The following USP9X variants were observed in gnomAD, a reference collection of about 807,000 sequenced individuals.
USP9X encodes ubiquitin carboxyl-terminal hydrolase 9X.
A neutral mutation model predicts 190.3 loss-of-function variants in USP9X; 7 were observed. The ratio of observed to expected loss-of-function variants is 0.04; its 90% CI spans 0.02 to 0.07. The LOEUF (loss-of-function observed/expected upper bound fraction) is 0.07, where lower values mean the gene tolerates loss of function less well. Among genes scored for constraint, USP9X ranks in the 10% least tolerant of loss-of-function variants. The pLI, the probability that USP9X is intolerant of heterozygous loss-of-function variation, is 1.00. For synonymous variants in USP9X, 645 were observed against 659.5 expected (o/e 0.98, Z 0.34); for missense variants, 1,010 against 1,916.9 (o/e 0.53, Z 8.83).
At chrX:41,108,684 C>G (rs930512050) in intron 1 of USP9X, among the ~76,000 whole-genome samples, 1 of 111,554 alleles carries the variant, frequency 9.0e-6, no homozygotes, top group African/African-American at 3.3e-5. Flanking sequence ...CCTGCCTTTC[C>G]CCCTGGGCAA....
intron 26 of USP9X, chrX:41,189,784 G>A (rs2062914360): frequency 1.3e-5 from 2 of 156,088 alleles, no homozygotes; most frequent in Non-Finnish European, 1.2e-5. Context: ...TAGGACATTA[G>A]CCTCCTATCT....
Position 41,167,581 on chromosome X carries a change from A to G in USP9X, c.2424+4A>G. ...TCCAAGACTACAAGTCAATCAGGTGAGGATTGATGTGCATTAAAACTTCCA... is the reference window on the plus strand; with the variant it reads ...TCCAAGACTACAAGTCAATCAGGTGGGGATTGATGTGCATTAAAACTTCCA... On this transcript the variant is annotated splice_donor_region_variant and intron_variant, in intron 17 of 44. Transcript: ENST00000378308. The G allele has an allele frequency of 8.6e-7, 1 of 1,162,304 alleles. No homozygotes were observed. The highest frequency in any genetic ancestry group is 3.0e-5 in the East Asian group (1 of 33,280).
At chrX:41,148,301 A>T in intron 11 of USP9X, 68 bp from the exon 12 acceptor site, 18 of 1,100,134 alleles carry the variant, frequency 1.6e-5, no homozygotes, top group Non-Finnish European at 2.1e-5. Flanking sequence ...AATATAGTTA[A>T]CCTGGTGACA....
rs1158519140 is a variant in USP9X, at chrX:41,161,329, C to CTTTT, written c.1898-1437_1898-1434dup. Among the ~76,000 whole-genome samples the CTTTT allele has an allele frequency of 9.6e-3, 312 of 32,466 alleles. 75 individuals carry two copies. The highest frequency in any genetic ancestry group is 0.024 in the East Asian group (17 of 717). The allele number at this position is 32,466 out of a possible 115,157, so 28.2% of individuals were successfully genotyped here. On this transcript the variant is annotated intron_variant, in intron 14 of 44. Coordinates refer to ENST00000378308, the MANE Select transcript of USP9X (RefSeq NM_001039591.3). ...GTAAAGAGTATAAGAGAATTCTTGC[C>CTTTT]TTTTTTTTTTTTTTTTTTTTTTTTT...
intron 41 of USP9X, among the ~76,000 whole-genome samples, chrX:41,227,207 A>G (rs917698244): frequency 8.9e-6 from 1 of 112,251 alleles, no homozygotes; most frequent in Non-Finnish European, 1.9e-5. Context: ...AGTGTCTACC[A>G]TGTGCCCAGC....
In USP9X at chrX:41,217,348, A is replaced by G. The variant is rs774983193; in HGVS notation, c.6209+5A>G. The G allele has an allele frequency of 9.2e-6, 11 of 1,193,868 alleles. No homozygotes were observed. In the African/African-American group the frequency reaches 1.1e-4, roughly 12 times the overall value. On this transcript the variant is annotated splice_donor_5th_base_variant and intron_variant, in intron 36 of 44. Transcript: ENST00000378308. ...CCGTGGCTCTGCCAGTGATTGGTACATTGCTTTGGATTTTCATTCCTATTA... is the reference window on the plus strand; with the variant it reads ...CCGTGGCTCTGCCAGTGATTGGTACGTTGCTTTGGATTTTCATTCCTATTA...
At chrX:41,144,158 A>AT (rs747324186) in intron 10 of USP9X, among the ~76,000 whole-genome samples, 5 of 111,071 alleles carry the variant, frequency 4.5e-5, no homozygotes, top group Non-Finnish European at 7.5e-5. Flanking sequence ...TGTATTTATT[A>AT]TATCATGAAA....
intron 39 of USP9X, among the ~76,000 whole-genome samples, chrX:41,223,908 A>C (rs2063288375): frequency 8.9e-6 from 1 of 111,954 alleles, no homozygotes; most frequent in South Asian, 3.7e-4. Flanking sequence ...ATAGTTTAAG[A>C]ATTAACTTTT....
chrX:41,115,228 A>T (rs2062139050), intron 1 of USP9X, among the ~76,000 whole-genome samples: 1 of 74,257 alleles, frequency 1.3e-5, no homozygotes, highest in African/African-American at 4.4e-5. Context: ...CTCCAAAAAA[A>T]AAAAAAAGAA....
In USP9X at chrX:41,158,015, G is replaced by A. The variant is rs746874637; in HGVS notation, c.1898-4775G>A. Among the ~76,000 whole-genome samples, 9 of 111,527 alleles carry A rather than the reference G, an allele frequency of 8.1e-5. No homozygotes were observed. In the East Asian group the frequency reaches 2.2e-3, roughly 28 times the overall value. ...CCAAAATGAAATATTCATAAGAGGG[G>A]CTAAACAATAGATTTGAGCTGGCAG... On this transcript the variant is annotated intron_variant, in intron 14 of 44. Coordinates refer to ENST00000378308, the MANE Select transcript of USP9X (RefSeq NM_001039591.3).
chrX:41,112,006 C>T (rs778398434), intron 1 of USP9X, among the ~76,000 whole-genome samples: 12 of 110,561 alleles, frequency 1.1e-4, no homozygotes, highest in East Asian at 5.7e-4. Context: ...CCACCATGCC[C>T]GGCTAATTTT....
chrX:41,132,295 A>ATTTTTTT (rs11356870), intron 4 of USP9X, among the ~76,000 whole-genome samples: 7 of 54,591 alleles, frequency 1.3e-4, no homozygotes, highest in Non-Finnish European at 1.9e-4. Flanking sequence ...ATGCCCACTA[A>ATTTTTTT]TTTTTTTTTT....
chrX:41,113,210 G>A (rs1180951294), intron 1 of USP9X, among the ~76,000 whole-genome samples: 2 of 111,797 alleles, frequency 1.8e-5, no homozygotes, highest in African/African-American at 3.3e-5. Flanking sequence ...TTTTGTTGTT[G>A]TTTTTATTTG....
At chrX:41,098,737 G>T (rs2062011503) in intron 1 of USP9X, among the ~76,000 whole-genome samples, 1 of 109,149 alleles carries the variant, frequency 9.2e-6, no homozygotes. Flanking sequence ...TGTGTTTTTA[G>T]TAGAGATGGG....
chrX:41,187,848 T>A lies in USP9X; in HGVS notation c.3685-144T>A, dbSNP rs946724140. On this transcript the variant is annotated intron_variant, in intron 24 of 44. Transcript: ENST00000378308. ...CCCCACCTTTTTTTTTTTTTTTTTT[T>A]AAGACAAAGGCAACTTGGGAATTTA... 49 of 519,049 alleles carry A rather than the reference T, an allele frequency of 9.4e-5. 1 individual carries two copies. The highest frequency in any genetic ancestry group is 1.1e-4 in the Non-Finnish European group (40 of 357,452). 42.8% of individuals were successfully genotyped at this position (519,049 alleles called of 1,213,427 possible). A position where few individuals can be genotyped will look rare whatever the true frequency, so the allele number is the denominator to read the frequency against.
intron 20 of USP9X, among the ~76,000 whole-genome samples, chrX:41,171,325 G>A (rs1248490022): frequency 9.0e-6 from 1 of 111,642 alleles, no homozygotes; most frequent in Non-Finnish European, 1.9e-5. Context: ...AACAGAGTGA[G>A]ACCCCATCTC....
At chrX:41,223,792 G>C (rs1410362714) in intron 39 of USP9X, among the ~76,000 whole-genome samples, 1 of 111,760 alleles carries the variant, frequency 8.9e-6, no homozygotes. Context: ...AGAGTCTGGA[G>C]GAAGATTTTT....
At position 41,143,305 on chromosome X, in the gene USP9X, G is replaced by C. The variant is rs749016667; in HGVS notation, c.1176G>C (p.Gln392His). ...TAERMAEWIQ[Q>H]NNILSIVLRD... ...TTAACATTTAGGAATGGATACAGCAGAACAATATCTTATCCATAGTGTTGC... is the reference window on the plus strand; with the variant it reads ...TTAACATTTAGGAATGGATACAGCACAACAATATCTTATCCATAGTGTTGC... Residue 392 changes from glutamine (Q) to histidine (H), a missense_variant, in exon 10 of 45, where the codon CAG becomes CAC. Coordinates refer to ENST00000378308, the MANE Select transcript of USP9X (RefSeq NM_001039591.3). 9.3e-6 allele frequency: 11 copies of C among 1,187,572 alleles called. No individual in the cohort carries two copies. The East Asian group carries it at 3.3e-4, about 36-fold the overall frequency.
intron 1 of USP9X, among the ~76,000 whole-genome samples, chrX:41,113,450 C>T (rs941110484): frequency 1.3e-4 from 14 of 111,445 alleles, no homozygotes; most frequent in African/African-American, 4.2e-4. Flanking sequence ...CTGCCCGCCT[C>T]GGCCTCCCAA....
Sources: gnomAD v4.1 joint callset for allele counts (sites outside exome capture counted in the v4.1 genomes callset) on GRCh38, gnomAD v4.1.1 for gene constraint, MANE v1.5 for transcripts, NCBI Gene and HGNC (gene_info 2026-07-23, HGNC 2026-07-21) for gene names.